Variants in SYNPR observed in about 807,000 individuals in gnomAD.
SYNPR encodes the protein synaptoporin.
Under a neutral mutation model 32.9 loss-of-function variants are expected in SYNPR, and 23 were observed. The observed-to-expected ratio is 0.70, with a 90% confidence interval of 0.50 to 0.99. The LOEUF (loss-of-function observed/expected upper bound fraction) is 0.99. Among genes scored for constraint, SYNPR ranks in the 50% least tolerant of loss-of-function variants. The probability of loss-of-function intolerance (pLI) is 0.00; values close to 1 mark genes in which losing one functional copy is unlikely to be tolerated. For missense variants in SYNPR, 318 were observed against 349.3 expected (o/e 0.91, Z 0.71); for synonymous variants, 146 against 135.9 (o/e 1.07, Z -0.52).
At chr3:63,521,898 C>T (rs2106773792) in intron 3 of SYNPR, among the ~76,000 whole-genome samples, 1 of 152,294 alleles carries the variant, frequency 6.6e-6, no homozygotes, top group Non-Finnish European at 1.5e-5. Context: ...CACCCCAAGC[C>T]CTCCTGCCAG....
intron 2 of SYNPR, among the ~76,000 whole-genome samples, chr3:63,477,263 C>T (rs1013103945): frequency 5.3e-5 from 8 of 152,130 alleles, no homozygotes; most frequent in Non-Finnish European, 8.8e-5. Flanking sequence ...ATTCCAATTA[C>T]GGGACCAGGC....
At chr3:63,497,495 CAA>C (rs1407096945) in intron 3 of SYNPR, among the ~76,000 whole-genome samples, 3 of 151,144 alleles carry the variant, frequency 2.0e-5, no homozygotes, top group Non-Finnish European at 4.4e-5. Flanking sequence ...TCACAATTGT[CAA>C]GAGAGAGTAA....
intron 2 of SYNPR, among the ~76,000 whole-genome samples, chr3:63,303,445 C>G (rs2086877850): frequency 6.6e-6 from 1 of 151,946 alleles, no homozygotes; most frequent in South Asian, 2.1e-4. Context: ...ACCTGCTCAG[C>G]CTGCTTCCCT....
chr3:63,359,614 C>T (rs1206415125), intron 2 of SYNPR, among the ~76,000 whole-genome samples: 1 of 152,166 alleles, frequency 6.6e-6, no homozygotes, highest in Non-Finnish European at 1.5e-5. Flanking sequence ...TTGAGCAGTA[C>T]TCCATGGCCC....
chr3:63,600,813 T>G (rs1474287479), intron 4 of SYNPR, among the ~76,000 whole-genome samples: 1 of 152,176 alleles, frequency 6.6e-6, no homozygotes, highest in Non-Finnish European at 1.5e-5. Context: ...CTGAGTCCAT[T>G]TAACCTCTTT....
intron 2 of SYNPR, among the ~76,000 whole-genome samples, chr3:63,259,407 G>C (rs1575578615): frequency 6.6e-6 from 1 of 152,120 alleles, no homozygotes; most frequent in South Asian, 2.1e-4. Context: ...TGGGATGCAA[G>C]GCTGGCTCAA....
At chr3:63,529,824 C>T (rs879378285) in intron 3 of SYNPR, among the ~76,000 whole-genome samples, 4 of 152,140 alleles carry the variant, frequency 2.6e-5, no homozygotes, top group Non-Finnish European at 4.4e-5. Flanking sequence ...GGCTCCTGTA[C>T]ATCTGAAGCT....
chr3:63,524,815 C>T (rs1701977085), intron 3 of SYNPR, among the ~76,000 whole-genome samples: 1 of 148,834 alleles, frequency 6.7e-6, no homozygotes, highest in African/African-American at 2.5e-5. Flanking sequence ...CAAAATGCAT[C>T]ATAATAGAAG....
At chr3:63,477,828 A>C (rs1451312262) in intron 2 of SYNPR, among the ~76,000 whole-genome samples, 1 of 152,360 alleles carries the variant, frequency 6.6e-6, no homozygotes, top group South Asian at 2.1e-4. Flanking sequence ...GTTGGGCCCA[A>C]GAGCATGTCA....
intron 2 of SYNPR, among the ~76,000 whole-genome samples, chr3:63,371,383 C>T (rs1240191817): frequency 6.6e-6 from 1 of 152,180 alleles, no homozygotes; most frequent in African/African-American, 2.4e-5. Flanking sequence ...GGAGGTCAGG[C>T]TCCCTTGCAC....
intron 2 of SYNPR, among the ~76,000 whole-genome samples, chr3:63,458,676 G>A (rs1270002809): frequency 2.0e-5 from 3 of 152,060 alleles, no homozygotes; most frequent in Non-Finnish European, 4.4e-5. Context: ...TCCACTTCTT[G>A]GCAGGAGTTG....
chr3:63,520,924 G>A (rs1450081449), intron 3 of SYNPR, among the ~76,000 whole-genome samples: 2 of 31,936 alleles, frequency 6.3e-5, no homozygotes, highest in Non-Finnish European at 1.0e-4. Flanking sequence ...CCTCTTTGGG[G>A]CCCCGTTTTT....
intron 3 of SYNPR, among the ~76,000 whole-genome samples, chr3:63,518,749 A>C (rs905718326): frequency 6.6e-6 from 1 of 152,296 alleles, no homozygotes; most frequent in African/African-American, 2.4e-5. Context: ...CTTCTGGAGA[A>C]GGAATTATTA....
chr3:63,542,508 T>A (rs1255488294), intron 3 of SYNPR, among the ~76,000 whole-genome samples: 1 of 152,074 alleles, frequency 6.6e-6, no homozygotes, highest in Non-Finnish European at 1.5e-5. Context: ...ATCACTCCAG[T>A]GGGCTGTCTA....
the SYNPR span, among the ~76,000 whole-genome samples, chr3:63,218,595 A>T: frequency 6.6e-6 from 1 of 152,200 alleles, no homozygotes; most frequent in Non-Finnish European, 1.5e-5. Context: ...AAATACCTGT[A>T]AACTCTTTGC....
chr3:63,457,218 GAACTC>G (rs1194048786), intron 2 of SYNPR, among the ~76,000 whole-genome samples: 2 of 152,082 alleles, frequency 1.3e-5, no homozygotes, highest in Admixed American at 1.3e-4. Flanking sequence ...ACTTCCTGAT[GAACTC>G]TTCAGTGCTT....
chr3:63,287,859 C>A (rs1319983669), intron 2 of SYNPR, among the ~76,000 whole-genome samples: 2 of 152,092 alleles, frequency 1.3e-5, no homozygotes, highest in East Asian at 1.9e-4. Context: ...TATAGGGATA[C>A]CCACTGCATG....
At chr3:63,584,203 A>G (rs961860883) in intron 4 of SYNPR, among the ~76,000 whole-genome samples, 1 of 152,112 alleles carries the variant, frequency 6.6e-6, no homozygotes, top group Non-Finnish European at 1.5e-5. Context: ...GAGGGCCTTC[A>G]TTAGAGAGGC....
intron 4 of SYNPR, among the ~76,000 whole-genome samples, chr3:63,606,883 G>A (rs72889276): frequency 0.043 from 6,554 of 152,180 alleles, 332 homozygotes; most frequent in African/African-American, 0.12. Flanking sequence ...AATGGGGTCA[G>A]GATTGGTATC....
Sources: allele counts gnomAD v4.1 joint callset (sites outside exome capture counted in the v4.1 genomes callset), GRCh38; gene constraint gnomAD v4.1.1; transcripts MANE v1.5; gene names NCBI Gene and HGNC (gene_info 2026-07-23, HGNC 2026-07-21).